Variants in AAMP observed in about 807,000 individuals in gnomAD.
AAMP encodes the protein angio-associated migratory cell protein.
In AAMP, 12 loss-of-function variants were observed where a neutral mutation model predicts 51.1. That is an observed-to-expected ratio of 0.23 (90% confidence interval 0.15 to 0.38). The LOEUF is 0.38. AAMP is among the 10% of genes least tolerant of loss of function. The pLI, the probability that AAMP is intolerant of heterozygous loss-of-function variation, is 1.00. For missense variants in AAMP, 418 were observed against 557.2 expected, an observed-to-expected ratio of 0.75 and a Z score of 2.52; for synonymous variants, 210 against 218.7, an observed-to-expected ratio of 0.96 and a Z score of 0.35.
intron 1 of AAMP, 160 bp downstream of exon 1, chr2:218,269,806 G>C (rs2106175147): frequency 1.6e-6 from 2 of 1,225,464 alleles, no homozygotes; most frequent in African/African-American, 3.0e-5. Flanking sequence ...ACCCCAGCCA[G>C]GCCTGAGAAC....
intron 1 of AAMP, 174 bp downstream of exon 1, chr2:218,269,790 ACC>A: frequency 9.1e-7 from 1 of 1,101,618 alleles, no homozygotes; most frequent in Non-Finnish European, 1.3e-6. Context: ...GCGTCAGGGA[ACC>A]CCCACCCCAG....
At position 218,267,127 on chromosome 2, in the gene AAMP, C is replaced by T; in HGVS notation, c.395-141G>A. 1.1e-6 allele frequency: 1 copy of T among 935,332 alleles called. No homozygotes were observed. Among genetic ancestry groups the T allele is most frequent in the Non-Finnish European group, 1.6e-6 (1 of 630,916 alleles). The allele number at this position is 935,332 out of a possible 1,614,324, so 57.9% of individuals were successfully genotyped here. A position where few individuals can be genotyped will look rare whatever the true frequency, so the allele number is the denominator to read the frequency against. On this transcript the variant is annotated intron_variant, in intron 3 of 10. Transcript: ENST00000248450. This position sits in a 1 kb window ranked among gnomAD's most constrained non-coding sequence, Gnocchi z 4.6. The stretch of plus-strand genomic sequence containing the variant: ...GGACTGAGCAGAACAGGTGCTGGAA[C>T]TCACCACCACTCTAGGAACCAATAC...
At position 218,264,395 on chromosome 2, in the gene AAMP, A is replaced by G; in HGVS notation, c.*138T>C. 1.2e-6 allele frequency: 1 copy of G among 805,864 alleles called. No individual in the cohort carries two copies. The highest frequency in any genetic ancestry group is 2.1e-6 in the Non-Finnish European group (1 of 475,204). 49.9% of individuals were successfully genotyped at this position (805,864 alleles called of 1,614,324 possible). On this transcript the variant is annotated 3_prime_UTR_variant, in exon 11 of 11. Transcript: ENST00000248450. ...AAGAGAAGAAAAGGAGAGGGGAGCA[A>G]GTCAGTTGAAGAGGCTGGAAAGTCA... is the stretch of plus-strand genomic sequence containing the variant.
In AAMP at chr2:218,266,779, G is replaced by T; in HGVS notation, c.534+68C>A. ...GCTTGGCGCAATAAAGGCAGAACTG[G>T]CCTCCCAAGCTTGCACCCCCAACAA... On this transcript the variant is annotated intron_variant, in intron 4 of 10. Coordinates refer to ENST00000248450, the MANE Select transcript of AAMP (RefSeq NM_001087.5). This position sits in a 1 kb window ranked among gnomAD's most constrained non-coding sequence, Gnocchi z 4.7. 6.2e-7 allele frequency: 1 copy of T among 1,601,344 alleles called. No individual in the cohort carries two copies. Among genetic ancestry groups the T allele is most frequent in the Non-Finnish European group, 8.5e-7 (1 of 1,172,190 alleles).
In AAMP at chr2:218,266,722, C is replaced by T. The variant is rs1195031100; in HGVS notation, c.534+125G>A. On this transcript the variant is annotated intron_variant, in intron 4 of 10. Transcript: ENST00000248450. The surrounding 1 kb of genome is among the most constrained non-coding windows in gnomAD (Gnocchi z 4.7). ...TTCCAGGTAGCAGGTAGATATTCTT[C>T]CTGTGCCTTGGGGCGCATTGGCTCA... 13 of 1,555,270 alleles carry T rather than the reference C, an allele frequency of 8.4e-6. No individual in the cohort carries two copies. Among genetic ancestry groups the T allele is most frequent in the Non-Finnish European group, 1.1e-5 (13 of 1,145,552 alleles).
chr2:218,264,929 C>T (rs1690585823), intron 10 of AAMP, 91 bp downstream of exon 10: 2 of 1,573,040 alleles, frequency 1.3e-6, no homozygotes, highest in South Asian at 1.1e-5. Flanking sequence ...CTTAGGAATC[C>T]CTTCCCACAC....
At chr2:218,268,409 G>A (rs1244631925) in intron 2 of AAMP, among the ~76,000 whole-genome samples, 1 of 152,056 alleles carries the variant, frequency 6.6e-6, no homozygotes, top group East Asian at 1.9e-4. Flanking sequence ...CACAATCTCA[G>A]CTCAATGCAA....
rs1428894410 is a variant in AAMP, at chr2:218,266,033, C to G, written c.763+31G>C. On this transcript the variant is annotated intron_variant, in intron 6 of 10. Coordinates refer to ENST00000248450, the MANE Select transcript of AAMP (RefSeq NM_001087.5). The surrounding 1 kb of genome is among the most constrained non-coding windows in gnomAD (Gnocchi z 4.7). ...GGTTCTCAGCCCCTCCCTACAAAGG[C>G]CCAGGCTAACACTTCCCCCACCTCT... 3 of 1,612,108 alleles carry G rather than the reference C, an allele frequency of 1.9e-6. No individual in the cohort carries two copies. The highest frequency in any genetic ancestry group is 2.5e-6 in the Non-Finnish European group (3 of 1,178,268).
At position 218,267,070 on chromosome 2, in the gene AAMP, T is replaced by G; in HGVS notation, c.395-84A>C. 6.5e-7 allele frequency: 1 copy of G among 1,529,920 alleles called. No individual in the cohort carries two copies. The allele number at this position is 1,529,920 out of a possible 1,614,324, so 94.8% of individuals were successfully genotyped here. A position where few individuals can be genotyped will look rare whatever the true frequency, so the allele number is the denominator to read the frequency against. ...CATGTGATTCTGGTATCTGGCCCAC[T>G]GAAAGGACCAGCTAGGAAAAAAAGA... On this transcript the variant is annotated intron_variant, in intron 3 of 10. Coordinates refer to ENST00000248450, the MANE Select transcript of AAMP (RefSeq NM_001087.5). The surrounding 1 kb of genome is among the most constrained non-coding windows in gnomAD (Gnocchi z 4.6).
rs772371316 is a variant in AAMP at position 218,267,584 on chromosome 2, T to C, written c.304A>G (p.Lys102Glu). 15 of 1,614,152 alleles carry C rather than the reference T, an allele frequency of 9.3e-6. No homozygotes were observed. The South Asian group carries it at 1.5e-4, about 17-fold the overall frequency. ...CCGGTCACTGCCAAGGTATTGGTCT[T>C]GGGGTCCAGGCTCACACAAAACACA... The part of the protein sequence containing the change: ...ASVFCVSLDP[K>E]TNTLAVTGGE... The change falls in exon 3 of 11, where the codon AAG becomes GAG. Residue 102 changes from lysine (K) to glutamate (E), a missense_variant. Transcript: ENST00000248450. The surrounding 1 kb of genome is among the most constrained non-coding windows in gnomAD (Gnocchi z 4.6).
chr2:218,265,447 G>A lies in AAMP; in HGVS notation c.998C>T (p.Ala333Val), dbSNP rs1373132476. 2 of 1,568,302 alleles carry A rather than the reference G, an allele frequency of 1.3e-6. No homozygotes were observed. The highest frequency in any genetic ancestry group is 2.4e-5 in the East Asian group (1 of 42,386). Reference sequence around the variant, plus strand: ...CAAGGTCCCATCCAGGTAGCCAACAGCTGCCAGGGGCATCCTGGCCAGAGG... The same window carrying A: ...CAAGGTCCCATCCAGGTAGCCAACAACTGCCAGGGGCATCCTGGCCAGAGG... ...LGFCSVMPLA[A>V]VGYLDGTLAI... Residue 333 changes from alanine to valine, a missense_variant, in exon 9 of 11, where the codon GCT becomes GTT. Transcript: ENST00000248450. This position sits in a 1 kb window ranked among gnomAD's most constrained non-coding sequence, Gnocchi z 6.6.
chr2:218,264,690 A>C, intron 10 of AAMP, 82 bp from the exon 11 acceptor site: 1 of 1,233,450 alleles, frequency 8.1e-7, no homozygotes, highest in Non-Finnish European at 1.2e-6. Flanking sequence ...CTCCTCCAGC[A>C]CACCCTCAGT....
chr2:218,266,202 C>T lies in AAMP; in HGVS notation c.680-55G>A. On this transcript the variant is annotated intron_variant, in intron 5 of 10. Coordinates refer to ENST00000248450, the MANE Select transcript of AAMP (RefSeq NM_001087.5). This position sits in a 1 kb window ranked among gnomAD's most constrained non-coding sequence, Gnocchi z 4.7. Reference sequence around the variant, plus strand: ...AGAGGGCACGCTCACATACACTAAGCAAGGGAATGGGGAGAGGGAGAGGAA... The same window carrying T: ...AGAGGGCACGCTCACATACACTAAGTAAGGGAATGGGGAGAGGGAGAGGAA... The T allele has an allele frequency of 6.6e-7, 1 of 1,519,890 alleles. No individual in the cohort carries two copies. Among genetic ancestry groups the T allele is most frequent in the Non-Finnish European group, 9.1e-7 (1 of 1,095,352 alleles). 94.2% of individuals were successfully genotyped at this position (1,519,890 alleles called of 1,614,324 possible).
chr2:218,267,764 G>T lies in AAMP; in HGVS notation c.275-151C>A. 1 of 999,150 alleles carries T rather than the reference G, an allele frequency of 1.0e-6. No homozygotes were observed. Among genetic ancestry groups the T allele is most frequent in the Non-Finnish European group, 1.5e-6 (1 of 685,832 alleles). 61.9% of individuals were successfully genotyped at this position (999,150 alleles called of 1,614,324 possible). ...ACATCCAAGTTCTTCTAAGTTTCAA[G>T]AATTGGGTTGTTAGATCCTTCCCAT... On this transcript the variant is annotated intron_variant, in intron 2 of 10. Transcript: ENST00000248450. This position sits in a 1 kb window ranked among gnomAD's most constrained non-coding sequence, Gnocchi z 4.6.
chr2:218,267,742 T>A lies in AAMP; in HGVS notation c.275-129A>T. 8.6e-7 allele frequency: 1 copy of A among 1,157,430 alleles called. No individual in the cohort carries two copies. Among genetic ancestry groups the A allele is most frequent in the Non-Finnish European group, 1.2e-6 (1 of 812,790 alleles). The allele number at this position is 1,157,430 out of a possible 1,614,324, so 71.7% of individuals were successfully genotyped here. On this transcript the variant is annotated intron_variant, in intron 2 of 10. Transcript: ENST00000248450. The surrounding 1 kb of genome is among the most constrained non-coding windows in gnomAD (Gnocchi z 4.6). The stretch of plus-strand genomic sequence containing the variant: ...TTTCCTCCTGGAAAACACAGGTACA[T>A]CCAAGTTCTTCTAAGTTTCAAGAAT...
Position 218,264,351 on chromosome 2 carries a change from G to T in AAMP, c.*182C>A. On this transcript the variant is annotated 3_prime_UTR_variant, in exon 11 of 11. Transcript: ENST00000248450. ...ACCAGGTCTGGACAAGGGTGGGAGG[G>T]CCCTGGGCTGGGTCTCTAAAGAGAA... 1 of 621,016 alleles carries T rather than the reference G, an allele frequency of 1.6e-6. No homozygotes were observed. The highest frequency in any genetic ancestry group is 2.9e-6 in the Non-Finnish European group (1 of 350,356). 38.5% of individuals were successfully genotyped at this position (621,016 alleles called of 1,614,324 possible).
intron 2 of AAMP, among the ~76,000 whole-genome samples, chr2:218,268,338 C>T (rs1690684185): frequency 6.6e-6 from 1 of 150,614 alleles, no homozygotes; most frequent in Admixed American, 6.6e-5. Flanking sequence ...AATTATCTCT[C>T]ATTTTATTTT....
In AAMP at chr2:218,269,466, C is replaced by CCT; in HGVS notation, c.188_189dup (p.Gly64ArgfsTer5). The CCT allele has an allele frequency of 6.2e-7, 1 of 1,614,212 alleles. No homozygotes were observed. Among genetic ancestry groups the CCT allele is most frequent in the Non-Finnish European group, 8.5e-7 (1 of 1,180,038 alleles). ...CCTTCCTGGGGTTCTAGAACCCAGCCCTCTTCGTTGCCCTCTTCCTCCTCT... is the reference window on the plus strand; with the variant it reads ...CCTTCCTGGGGTTCTAGAACCCAGCCCTCTCTTCGTTGCCCTCTTCCTCCTCT... On this transcript the variant is annotated frameshift_variant, in exon 2 of 11. Coordinates refer to ENST00000248450, the MANE Select transcript of AAMP (RefSeq NM_001087.5). LOFTEE classifies it high-confidence loss of function.
intron 2 of AAMP, among the ~76,000 whole-genome samples, chr2:218,268,570 G>C (rs920389067): frequency 1.4e-5 from 2 of 147,800 alleles, no homozygotes; most frequent in Non-Finnish European, 3.0e-5. Context: ...TTGAACTCCC[G>C]ACCTCAGGTG....
Sources: allele counts gnomAD v4.1 joint callset (sites outside exome capture counted in the v4.1 genomes callset), GRCh38; gene constraint gnomAD v4.1.1; non-coding constraint Gnocchi (gnomAD v3.1); transcripts MANE v1.5; gene names NCBI Gene and HGNC (gene_info 2026-07-23, HGNC 2026-07-21).